Variants in RUNX1 observed in about 807,000 individuals in gnomAD.
RUNX1 encodes the protein runt-related transcription factor 1.
In RUNX1, 19 loss-of-function variants were observed where a neutral mutation model predicts 42.8. That is an observed-to-expected ratio of 0.44 (90% CI 0.31 to 0.65). The LOEUF (loss-of-function observed/expected upper bound fraction) is 0.65. Among genes scored for constraint, RUNX1 ranks in the 30% least tolerant of loss-of-function variants. RUNX1 has a pLI of 0.07. For missense variants in RUNX1, 528 were observed against 672.0 expected (o/e 0.79, Z 2.37); for synonymous variants, 271 against 289.4 (o/e 0.94, Z 0.64).
rs1420318226 is a variant in RUNX1 at position 34,843,054 on chromosome 21, A to G, written c.614-8453T>C. ...CAGTGCACTCCAGCCTGAGCGACAG[A>G]GCGAGACTCTGTCTCAAAAAACAAA... On this transcript the variant is annotated intron_variant, in intron 6 of 8. Coordinates refer to ENST00000675419, the MANE Select transcript of RUNX1 (RefSeq NM_001754.5). The surrounding 1 kb of genome is among the most constrained non-coding windows in gnomAD (Gnocchi z 4.8). Among the ~76,000 whole-genome samples, 1 of 152,180 alleles carries G rather than the reference A, an allele frequency of 6.6e-6. No homozygotes were observed. The highest frequency in any genetic ancestry group is 1.5e-5 in the Non-Finnish European group (1 of 68,026).
chr21:34,872,168 G>A (rs4366984), intron 5 of RUNX1, among the ~76,000 whole-genome samples: 53,887 of 152,036 alleles, frequency 0.35, 11,967 homozygotes, highest in African/African-American at 0.63. Context: ...TAATATGAGT[G>A]GACACTGTCC....
At chr21:34,945,129 T>A (rs1001863600) in intron 2 of RUNX1, among the ~76,000 whole-genome samples, 1 of 152,246 alleles carries the variant, frequency 6.6e-6, no homozygotes, top group Non-Finnish European at 1.5e-5. Context: ...GTATCTGTGA[T>A]GTGCCAGCCA....
intron 2 of RUNX1, among the ~76,000 whole-genome samples, chr21:34,969,696 A>C (rs892917676): frequency 3.9e-5 from 6 of 152,028 alleles, no homozygotes; most frequent in South Asian, 2.1e-4. Flanking sequence ...TAAAAAAAAA[A>C]CAGCAAAATT....
At chr21:34,906,772 C>G (rs916048704) in intron 2 of RUNX1, among the ~76,000 whole-genome samples, 1 of 152,212 alleles carries the variant, frequency 6.6e-6, no homozygotes, top group African/African-American at 2.4e-5. Context: ...AGGGGATTTG[C>G]AAACAGGCCC....
chr21:34,942,019 A>G (rs2058530942), intron 2 of RUNX1, among the ~76,000 whole-genome samples: 1 of 152,156 alleles, frequency 6.6e-6, no homozygotes, highest in Non-Finnish European at 1.5e-5. Flanking sequence ...CAATGAAGAA[A>G]AAGTACCTTC....
intron 2 of RUNX1, among the ~76,000 whole-genome samples, chr21:34,902,966 T>C (rs2058189222): frequency 6.6e-6 from 1 of 152,164 alleles, no homozygotes; most frequent in South Asian, 2.1e-4. Flanking sequence ...CAACTAGAGA[T>C]AGGACATTTT....
At chr21:34,798,271 A>G (rs1294050628) in intron 8 of RUNX1, among the ~76,000 whole-genome samples, 1 of 152,132 alleles carries the variant, frequency 6.6e-6, no homozygotes, top group Admixed American at 6.5e-5. Context: ...TCTCTGAAGT[A>G]TTTTCACAGT....
chr21:34,854,031 C>G (rs1048809189), intron 6 of RUNX1, among the ~76,000 whole-genome samples: 1 of 152,146 alleles, frequency 6.6e-6, no homozygotes, highest in Non-Finnish European at 1.5e-5. Context: ...CCAGGCTGGT[C>G]TCCAACTCCT....
At chr21:34,933,579 T>C (rs2058463731) in intron 2 of RUNX1, among the ~76,000 whole-genome samples, 1 of 152,232 alleles carries the variant, frequency 6.6e-6, no homozygotes, top group South Asian at 2.1e-4. Flanking sequence ...ACTGTTGTTT[T>C]ACTGTGTTCG....
chr21:35,020,441 CT>C (rs1307433155), intron 2 of RUNX1, among the ~76,000 whole-genome samples: 1 of 152,110 alleles, frequency 6.6e-6, no homozygotes, highest in Non-Finnish European at 1.5e-5. Context: ...TGTCTGAGGC[CT>C]TTGGGGATGT....
chr21:34,973,512 C>T (rs111669635), intron 2 of RUNX1, among the ~76,000 whole-genome samples: 1 of 152,276 alleles, frequency 6.6e-6, no homozygotes, highest in East Asian at 1.9e-4. Flanking sequence ...TTTATTTTCT[C>T]TTACAGTTTT....
chr21:34,842,800 G>T (rs1195855753), intron 6 of RUNX1, among the ~76,000 whole-genome samples: 1 of 152,118 alleles, frequency 6.6e-6, no homozygotes, highest in Non-Finnish European at 1.5e-5. Flanking sequence ...TGGGCGCGGT[G>T]GCTCATGCCT....
At chr21:34,879,957 G>A (rs1405843298) in intron 5 of RUNX1, among the ~76,000 whole-genome samples, 2 of 152,008 alleles carry the variant, frequency 1.3e-5, no homozygotes, top group Non-Finnish European at 2.9e-5. Context: ...TGCTAACCAG[G>A]CCCAACCCCT....
chr21:34,885,454 G>C (rs1371992531), intron 4 of RUNX1, among the ~76,000 whole-genome samples: 1 of 152,036 alleles, frequency 6.6e-6, no homozygotes, highest in Non-Finnish European at 1.5e-5. Context: ...ACGTTCCTTC[G>C]TTCCTTCTCC....
At chr21:34,794,095 CTG>C (rs2056490672) in intron 8 of RUNX1, among the ~76,000 whole-genome samples, 1 of 152,042 alleles carries the variant, frequency 6.6e-6, no homozygotes, top group African/African-American at 2.4e-5. Context: ...ATAAATTAAT[CTG>C]TGATATTAAT....
intron 6 of RUNX1, among the ~76,000 whole-genome samples, chr21:34,847,831 A>G (rs1476977079): frequency 1.3e-5 from 2 of 152,272 alleles, no homozygotes; most frequent in African/African-American, 4.8e-5. Flanking sequence ...TCAGTGATGC[A>G]GTAATTGGAA....
At chr21:34,836,895 C>T (rs2057154898) in intron 6 of RUNX1, among the ~76,000 whole-genome samples, 1 of 152,220 alleles carries the variant, frequency 6.6e-6, no homozygotes, top group Non-Finnish European at 1.5e-5. Context: ...TCTTAGCCAG[C>T]AAGCGTGGGG....
intron 5 of RUNX1, among the ~76,000 whole-genome samples, chr21:34,871,155 G>A (rs1000763149): frequency 1.3e-5 from 2 of 152,018 alleles, no homozygotes; most frequent in Admixed American, 1.3e-4. Context: ...CAGTGCTTGG[G>A]TCTCCGTTCC....
chr21:35,032,365 A>G (rs1412848117), intron 2 of RUNX1, among the ~76,000 whole-genome samples: 1 of 152,224 alleles, frequency 6.6e-6, no homozygotes, highest in Non-Finnish European at 1.5e-5. Context: ...TTATCCCACT[A>G]GTTACCTTTT....
Sources: allele counts gnomAD v4.1 joint callset (sites outside exome capture counted in the v4.1 genomes callset), GRCh38; gene constraint gnomAD v4.1.1; non-coding constraint Gnocchi (gnomAD v3.1); transcripts MANE v1.5; gene names NCBI Gene and HGNC (gene_info 2026-07-23, HGNC 2026-07-21).